Variants in CADM2 observed in about 807,000 individuals in gnomAD.
CADM2 encodes the protein immunoglobulin superfamily member 4D.
CADM2 carries 12 observed loss-of-function variants against 49.8 expected under a neutral mutation model. The ratio of observed to expected loss-of-function variants is 0.24; its 90% CI spans 0.15 to 0.39. The LOEUF is 0.39. CADM2 is among the 10% of genes least tolerant of loss of function. The pLI is 1.00. For missense variants in CADM2, 378 were observed against 492.3 expected (o/e 0.77, Z 2.20); for synonymous variants, 214 against 175.4 (o/e 1.22, Z -1.74).
intron 6 of CADM2, among the ~76,000 whole-genome samples, chr3:85,927,546 A>G (rs1298444336): frequency 1.3e-5 from 2 of 152,202 alleles, no homozygotes; most frequent in East Asian, 1.9e-4. Flanking sequence ...AAATGAATAA[A>G]TGACAGTACT....
chr3:85,754,070 G>A (rs189422372), intron 2 of CADM2, among the ~76,000 whole-genome samples: 54 of 152,296 alleles, frequency 3.5e-4, no homozygotes, highest in Non-Finnish European at 6.6e-4. Flanking sequence ...AGGGGTGCAC[G>A]TGTCGTGTGT....
At chr3:85,242,470 C>T (rs984102990) in intron 1 of CADM2, among the ~76,000 whole-genome samples, 1 of 151,516 alleles carries the variant, frequency 6.6e-6, no homozygotes, top group African/African-American at 2.4e-5. Context: ...TGCTTCAAGT[C>T]TACTGACCAT....
intron 1 of CADM2, among the ~76,000 whole-genome samples, chr3:85,406,309 A>G (rs2107455177): frequency 1.3e-5 from 2 of 152,230 alleles, no homozygotes; most frequent in African/African-American, 4.8e-5. Flanking sequence ...AAAATCTGAA[A>G]CTTTCACTGA....
At chr3:85,991,944 C>G (rs1400057097) in intron 8 of CADM2, among the ~76,000 whole-genome samples, 1 of 151,990 alleles carries the variant, frequency 6.6e-6, no homozygotes, top group Non-Finnish European at 1.5e-5. Flanking sequence ...TTGAAATACA[C>G]TAAAACTTTT....
intron 1 of CADM2, among the ~76,000 whole-genome samples, chr3:85,101,462 T>C (rs1340393137): frequency 1.3e-5 from 2 of 152,286 alleles, no homozygotes; most frequent in Admixed American, 1.3e-4. Flanking sequence ...TTTCTTAAAA[T>C]GTGGTATGTT....
chr3:85,391,860 T>C (rs1291167555), intron 1 of CADM2, among the ~76,000 whole-genome samples: 1 of 152,126 alleles, frequency 6.6e-6, no homozygotes, highest in East Asian at 1.9e-4. Flanking sequence ...TTCAAAAGAC[T>C]GAAGAGGTTG....
At chr3:85,935,887 T>C (rs1292938766) in intron 7 of CADM2, 30 bp downstream of exon 7, 1 of 1,334,332 alleles carries the variant, frequency 7.5e-7, no homozygotes, top group East Asian at 2.3e-5. Context: ...ATAAAGCTTT[T>C]AACTTTTTTT....
intron 2 of CADM2, among the ~76,000 whole-genome samples, chr3:85,735,239 C>T (rs756803599): frequency 5.9e-5 from 9 of 151,954 alleles, no homozygotes; most frequent in Non-Finnish European, 1.0e-4. Flanking sequence ...AATTTTGAGT[C>T]GGTAGACCAG....
intron 1 of CADM2, among the ~76,000 whole-genome samples, chr3:85,464,461 T>G (rs2038398334): frequency 6.6e-6 from 1 of 152,180 alleles, no homozygotes; most frequent in Non-Finnish European, 1.5e-5. Context: ...TTCCTGAATA[T>G]GACATGATTT....
chr3:85,196,645 A>G (rs1044047998), intron 1 of CADM2, among the ~76,000 whole-genome samples: 19 of 151,998 alleles, frequency 1.3e-4, no homozygotes, highest in Non-Finnish European at 8.8e-5. Flanking sequence ...CTTGTTTTGC[A>G]TGATGATGGA....
At chr3:85,097,010 T>A (rs1174597021) in intron 1 of CADM2, among the ~76,000 whole-genome samples, 3 of 152,104 alleles carry the variant, frequency 2.0e-5, no homozygotes, top group Non-Finnish European at 2.9e-5. Context: ...TTTTTTATTA[T>A]TATTATACTT....
At chr3:85,436,689 A>G (rs1469525331) in intron 1 of CADM2, among the ~76,000 whole-genome samples, 4 of 152,210 alleles carry the variant, frequency 2.6e-5, no homozygotes, top group Non-Finnish European at 4.4e-5. Flanking sequence ...ATTTTAAAGT[A>G]AACTTTTTTA....
chr3:85,668,166 G>A (rs575064535), intron 1 of CADM2, among the ~76,000 whole-genome samples: 19 of 151,252 alleles, frequency 1.3e-4, no homozygotes, highest in Non-Finnish European at 2.2e-4. Flanking sequence ...GGTGGAGATG[G>A]CCCTTTCCTA....
intron 1 of CADM2, among the ~76,000 whole-genome samples, chr3:85,469,662 A>C (rs1261145873): frequency 6.6e-6 from 1 of 152,204 alleles, no homozygotes; most frequent in East Asian, 1.9e-4. Flanking sequence ...GCAGAGCTGA[A>C]GTGCTTGATG....
At position 86,072,229 on chromosome 3, in the gene CADM2, A is replaced by G. The variant is rs1703321282; in HGVS notation, c.*5446A>G. 6.6e-6 allele frequency: 1 copy of G among 151,762 alleles called. No individual in the cohort carries two copies. The highest frequency in any genetic ancestry group is 1.5e-5 in the Non-Finnish European group (1 of 67,858). The allele number at this position is 151,762 out of a possible 1,614,324, so 9.4% of individuals were successfully genotyped here. A position where few individuals can be genotyped will look rare whatever the true frequency, so the allele number is the denominator to read the frequency against. ...AATATGCTTAAAGTAAGATGTTTCTATGTTATGTGGTTATGTTATCAATAA... is the reference window on the plus strand; with the variant it reads ...AATATGCTTAAAGTAAGATGTTTCTGTGTTATGTGGTTATGTTATCAATAA... On this transcript the variant is annotated 3_prime_UTR_variant, in exon 10 of 10. Transcript: ENST00000383699.
At chr3:85,750,920 T>C (rs1340878634) in intron 2 of CADM2, among the ~76,000 whole-genome samples, 2 of 152,144 alleles carry the variant, frequency 1.3e-5, no homozygotes, top group South Asian at 2.1e-4. Flanking sequence ...TTCATAACTT[T>C]CTTTCTTGGA....
chr3:85,958,348 G>A (rs1724323579), intron 7 of CADM2, among the ~76,000 whole-genome samples: 2 of 151,992 alleles, frequency 1.3e-5, no homozygotes, highest in Admixed American at 1.3e-4. Context: ...TACTGTTGGT[G>A]GGAATGTAAA....
At chr3:86,058,436 C>T (rs1382928463) in intron 8 of CADM2, among the ~76,000 whole-genome samples, 1 of 151,956 alleles carries the variant, frequency 6.6e-6, no homozygotes, top group Non-Finnish European at 1.5e-5. Flanking sequence ...ACTGACAATG[C>T]TGGGAAATAA....
intron 1 of CADM2, among the ~76,000 whole-genome samples, chr3:85,638,876 T>C (rs1307676982): frequency 1.3e-5 from 2 of 152,170 alleles, no homozygotes; most frequent in African/African-American, 4.8e-5. Context: ...CAGTCGTTCC[T>C]AAAATATTTC....
Sources: allele counts gnomAD v4.1 joint callset (sites outside exome capture counted in the v4.1 genomes callset), GRCh38; gene constraint gnomAD v4.1.1; transcripts MANE v1.5; gene names NCBI Gene and HGNC (gene_info 2026-07-23, HGNC 2026-07-21).